HPSE2: variants seen among roughly 807,000 people sequenced by gnomAD.
HPSE2 encodes the protein heparanase 2 (inactive).
A neutral mutation model predicts 60.5 loss-of-function variants in HPSE2; 38 were observed. The ratio of observed to expected loss-of-function variants is 0.63; its 90% CI spans 0.48 to 0.82. The LOEUF (loss-of-function observed/expected upper bound fraction) is 0.82, where lower values mean the gene tolerates loss of function less well. HPSE2 is among the 40% of genes least tolerant of loss of function. The pLI is 0.00. For missense variants in HPSE2, 713 were observed against 740.4 expected (o/e 0.96, Z 0.43); for synonymous variants, 295 against 293.2 (o/e 1.01, Z -0.06).
chr10:99,073,559 G>A (rs899419774), intron 3 of HPSE2, among the ~76,000 whole-genome samples: 5 of 151,966 alleles, frequency 3.3e-5, no homozygotes, highest in East Asian at 1.9e-4. Flanking sequence ...TGATAGGTGC[G>A]GCAAACCACC....
chr10:98,991,359 C>T (rs940883785), intron 3 of HPSE2, among the ~76,000 whole-genome samples: 2 of 152,084 alleles, frequency 1.3e-5, no homozygotes, highest in African/African-American at 4.8e-5. Context: ...ACCACACAGG[C>T]ATCTGAGGGA....
At chr10:99,243,231 T>C in the HPSE2 span, among the ~76,000 whole-genome samples, 1 of 152,024 alleles carries the variant, frequency 6.6e-6, no homozygotes, top group Non-Finnish European at 1.5e-5. Context: ...CACATGCCTA[T>C]AGTCCCAGCT....
intron 1 of HPSE2, among the ~76,000 whole-genome samples, chr10:99,233,217 C>CACA (rs199977715): frequency 2.4e-3 from 6 of 2,516 alleles, no homozygotes; most frequent in Non-Finnish European, 1.8e-3. Flanking sequence ...ACCACCACCA[C>CACA]CACACACACA....
At chr10:98,970,140 T>G (rs961904875) in intron 3 of HPSE2, among the ~76,000 whole-genome samples, 2 of 152,094 alleles carry the variant, frequency 1.3e-5, no homozygotes, top group Non-Finnish European at 2.9e-5. Flanking sequence ...TTTTGTATTT[T>G]TAGTAGAGAT....
intron 3 of HPSE2, among the ~76,000 whole-genome samples, chr10:98,809,401 T>C (rs1951116403): frequency 6.6e-6 from 1 of 152,098 alleles, no homozygotes; most frequent in Non-Finnish European, 1.5e-5. Flanking sequence ...TAGAAACAAT[T>C]AAGATTGATC....
At chr10:98,619,259 G>A (rs1281426911) in intron 8 of HPSE2, among the ~76,000 whole-genome samples, 1 of 152,182 alleles carries the variant, frequency 6.6e-6, no homozygotes, top group Admixed American at 6.5e-5. Flanking sequence ...CAAGGCCATA[G>A]GACTGTACTG....
intron 3 of HPSE2, among the ~76,000 whole-genome samples, chr10:98,888,865 G>A (rs1953248180): frequency 6.6e-6 from 1 of 152,274 alleles, no homozygotes; most frequent in East Asian, 1.9e-4. Context: ...AAAGCTATGT[G>A]AAAACTAGTA....
intron 3 of HPSE2, among the ~76,000 whole-genome samples, chr10:98,982,215 C>CT (rs1257915490): frequency 6.6e-6 from 1 of 152,116 alleles, no homozygotes; most frequent in Non-Finnish European, 1.5e-5. Context: ...CGAAAGCTCT[C>CT]TTTCAACTGC....
intron 9 of HPSE2, among the ~76,000 whole-genome samples, chr10:98,545,342 A>G (rs962980620): frequency 1.3e-5 from 2 of 152,114 alleles, no homozygotes; most frequent in African/African-American, 2.4e-5. Flanking sequence ...CCGGGCAGAG[A>G]CACAACCAAA....
chr10:98,770,661 C>G (rs921827883), intron 3 of HPSE2, among the ~76,000 whole-genome samples: 9 of 152,134 alleles, frequency 5.9e-5, no homozygotes, highest in Non-Finnish European at 1.0e-4. Context: ...CTCCCCTTCC[C>G]CCAACCACAG....
At chr10:98,823,842 GATAAT>G (rs1436152296) in intron 3 of HPSE2, among the ~76,000 whole-genome samples, 13 of 152,020 alleles carry the variant, frequency 8.6e-5, no homozygotes, top group Admixed American at 2.6e-4. Context: ...CTGTCAATAA[GATAAT>G]ATAAGATTTA....
chr10:98,945,877 C>T (rs578035126), intron 3 of HPSE2, among the ~76,000 whole-genome samples: 2 of 152,204 alleles, frequency 1.3e-5, no homozygotes, highest in East Asian at 3.9e-4. Flanking sequence ...TGTTCCCATT[C>T]CTCAAAATTA....
chr10:99,250,277 T>C, the HPSE2 span, among the ~76,000 whole-genome samples: 2 of 152,188 alleles, frequency 1.3e-5, no homozygotes, highest in Non-Finnish European at 2.9e-5. Flanking sequence ...ATGCTTCCTG[T>C]ACAGTCTATG....
chr10:98,634,580 A>C (rs1275149775), intron 7 of HPSE2, among the ~76,000 whole-genome samples: 1 of 152,192 alleles, frequency 6.6e-6, no homozygotes, highest in African/African-American at 2.4e-5. Context: ...TAAGCAGGTA[A>C]ACTGGAAAGC....
intron 3 of HPSE2, among the ~76,000 whole-genome samples, chr10:98,810,917 G>A (rs1266921427): frequency 6.6e-6 from 1 of 152,062 alleles, no homozygotes; most frequent in Non-Finnish European, 1.5e-5. Context: ...CAAAAATATA[G>A]CTGTGAGCAG....
intron 3 of HPSE2, among the ~76,000 whole-genome samples, chr10:98,985,737 C>T (rs997721466): frequency 2.6e-5 from 4 of 152,128 alleles, no homozygotes; most frequent in African/African-American, 9.7e-5. Context: ...GTGCTATATT[C>T]AGGAAACCCA....
At position 98,932,017 on chromosome 10, in the gene HPSE2, T is replaced by C. The variant is rs576847088; in HGVS notation, c.611-187961A>G. Among the ~76,000 whole-genome samples, 14 of 143,318 alleles carry C rather than the reference T, an allele frequency of 9.8e-5. 2 individuals are homozygous for C. In the South Asian group the frequency reaches 2.5e-3, roughly 26 times the overall value. The allele number at this position is 143,318 out of a possible 152,430, so 94.0% of individuals were successfully genotyped here. ...CTTCCAGCACTTGGTTGAAAAGGAG[T>C]GGTGAGAGAGGGCATCCTTGTCTTG... On this transcript the variant is annotated intron_variant, in intron 3 of 11. Coordinates refer to ENST00000370552, the MANE Select transcript of HPSE2 (RefSeq NM_021828.5).
chr10:98,937,283 C>A (rs1954829512), intron 3 of HPSE2, among the ~76,000 whole-genome samples: 1 of 144,512 alleles, frequency 6.9e-6, no homozygotes, highest in Non-Finnish European at 1.5e-5. Context: ...CAGGGCAAGG[C>A]ATTGCCTCAC....
At chr10:98,819,828 G>C (rs940439026) in intron 3 of HPSE2, among the ~76,000 whole-genome samples, 1 of 152,036 alleles carries the variant, frequency 6.6e-6, no homozygotes, top group Non-Finnish European at 1.5e-5. Flanking sequence ...AGAATGTAAA[G>C]CTAGGAATCT....
Sources: allele counts gnomAD v4.1 joint callset (sites outside exome capture counted in the v4.1 genomes callset), GRCh38; gene constraint gnomAD v4.1.1; transcripts MANE v1.5; gene names NCBI Gene and HGNC (gene_info 2026-07-23, HGNC 2026-07-21).